VKORC1L1: variants seen among roughly 807,000 people sequenced by gnomAD.
VKORC1L1 encodes the protein vitamin K epoxide reductase complex subunit 1-like protein 1.
In VKORC1L1, 2 loss-of-function variants were observed where a neutral mutation model predicts 18.9. That is an observed-to-expected ratio of 0.11 (90% CI 0.04 to 0.33). The LOEUF (loss-of-function observed/expected upper bound fraction) is 0.33. Ranked by LOEUF, VKORC1L1 falls within the 10% of genes least tolerant of loss-of-function variation. The pLI is 1.00. For missense variants in VKORC1L1, 123 were observed against 224.1 expected (o/e 0.55, Z 2.88); for synonymous variants, 96 against 100.0 (o/e 0.96, Z 0.24).
At chr7:65,884,548 A>C (rs536263840) in intron 1 of VKORC1L1, among the ~76,000 whole-genome samples, 2 of 152,260 alleles carry the variant, frequency 1.3e-5, no homozygotes, top group South Asian at 2.1e-4. Flanking sequence ...GAGGCAGGAG[A>C]ATTGCTTGCA....
chr7:65,941,592 C>G lies in VKORC1L1; in HGVS notation c.195-7079C>G, dbSNP rs755749548. Among the ~76,000 whole-genome samples the G allele has an allele frequency of 6.7e-5, 10 of 148,824 alleles. 1 individual carries two copies. Among genetic ancestry groups the G allele is most frequent in the Admixed American group, 4.7e-4 (7 of 14,888 alleles). ...GAAAGACCCCAGGAGAGTGGTTATT[C>G]TGGGGGAGGAAGGGTAACTGGAAGA... On this transcript the variant is annotated intron_variant, in intron 1 of 2. Coordinates refer to ENST00000360768, the MANE Select transcript of VKORC1L1 (RefSeq NM_173517.6).
intron 1 of VKORC1L1, among the ~76,000 whole-genome samples, chr7:65,895,467 AAAAAAAAAAAAAAATATATATATATAT>A (rs1008212537): frequency 5.8e-5 from 3 of 51,642 alleles, no homozygotes; most frequent in African/African-American, 2.5e-4. Context: ...AAAAAAAAAA[AAAAAAAAAAAAAAATATATATATATAT>A]ATATATATAT....
chr7:65,886,493 TAAAGAA>T (rs760817285), intron 1 of VKORC1L1, among the ~76,000 whole-genome samples: 6 of 152,160 alleles, frequency 3.9e-5, no homozygotes, highest in Non-Finnish European at 5.9e-5. Flanking sequence ...TTGCAGCATA[TAAAGAA>T]GAAGGTGCCT....
At chr7:65,881,143 A>G (rs1350149456) in intron 1 of VKORC1L1, among the ~76,000 whole-genome samples, 1 of 152,218 alleles carries the variant, frequency 6.6e-6, no homozygotes, top group African/African-American at 2.4e-5. Flanking sequence ...AACCTGTACT[A>G]CATTGTACTA....
chr7:65,873,939 G>C (rs1788779433), intron 1 of VKORC1L1, among the ~76,000 whole-genome samples: 1 of 152,134 alleles, frequency 6.6e-6, no homozygotes, highest in Non-Finnish European at 1.5e-5. Context: ...CTGGTTCTCG[G>C]GAGGCGGGCC....
chr7:65,919,717 CA>C (rs936081323), intron 1 of VKORC1L1, among the ~76,000 whole-genome samples: 3 of 152,178 alleles, frequency 2.0e-5, no homozygotes, highest in African/African-American at 7.2e-5. Flanking sequence ...CCTTCTTCCT[CA>C]TAGTCTATTT....
intron 1 of VKORC1L1, among the ~76,000 whole-genome samples, chr7:65,930,590 G>T (rs1414684127): frequency 3.9e-5 from 6 of 152,184 alleles, no homozygotes; most frequent in Admixed American, 3.3e-4. Flanking sequence ...TCAGAGTTCT[G>T]TATGTATATA....
intron 1 of VKORC1L1, among the ~76,000 whole-genome samples, chr7:65,947,079 A>G (rs535583553): frequency 6.6e-6 from 1 of 152,298 alleles, no homozygotes; most frequent in Admixed American, 6.5e-5. Context: ...TCAAGGCTGC[A>G]GTGAGTCATG....
chr7:65,895,516 TACACAC>T (rs1554395162), intron 1 of VKORC1L1, among the ~76,000 whole-genome samples: 6 of 71,598 alleles, frequency 8.4e-5, no homozygotes, highest in South Asian at 6.0e-4. Context: ...TATATATATA[TACACAC>T]ACACACACAC....
chr7:65,882,113 C>T (rs1448029685), intron 1 of VKORC1L1, among the ~76,000 whole-genome samples: 1 of 151,216 alleles, frequency 6.6e-6, no homozygotes, highest in Non-Finnish European at 1.5e-5. Flanking sequence ...GGTGTAGTGG[C>T]TCACGCCTGT....
intron 1 of VKORC1L1, among the ~76,000 whole-genome samples, chr7:65,936,184 C>T (rs1789939877): frequency 6.6e-6 from 1 of 151,712 alleles, no homozygotes; most frequent in African/African-American, 2.4e-5. Flanking sequence ...CTTCCATCTT[C>T]CCAGTCATTT....
chr7:65,908,240 G>A (rs1200518586), intron 1 of VKORC1L1, among the ~76,000 whole-genome samples: 3 of 151,970 alleles, frequency 2.0e-5, no homozygotes, highest in Non-Finnish European at 4.4e-5. Context: ...AGGTGAAACC[G>A]CCGTCCCTAC....
Position 65,941,366 on chromosome 7 carries a change from A to G in VKORC1L1, c.195-7305A>G, listed in dbSNP as rs562654159. ...CCTGGGCTTAAGCAGTTCTCCCACC[A>G]TGGCCTCCCAAAGTGCTGGATTACA... is the stretch of plus-strand genomic sequence containing the variant. On this transcript the variant is annotated intron_variant, in intron 1 of 2. Coordinates refer to ENST00000360768, the MANE Select transcript of VKORC1L1 (RefSeq NM_173517.6). Among the ~76,000 whole-genome samples, 8 of 152,104 alleles carry G rather than the reference A, an allele frequency of 5.3e-5. No homozygotes were observed. In the South Asian group the frequency reaches 8.3e-4, roughly 16 times the overall value.
At chr7:65,935,736 G>T (rs891106668) in intron 1 of VKORC1L1, among the ~76,000 whole-genome samples, 1 of 152,154 alleles carries the variant, frequency 6.6e-6, no homozygotes, top group African/African-American at 2.4e-5. Flanking sequence ...TGGTTATGAT[G>T]TGTCTGGGTG....
At chr7:65,936,806 A>T (rs1050894798) in intron 1 of VKORC1L1, among the ~76,000 whole-genome samples, 3 of 152,312 alleles carry the variant, frequency 2.0e-5, no homozygotes, top group African/African-American at 7.2e-5. Context: ...GGTTTCTCTC[A>T]GACAGTTTTA....
upstream of VKORC1L1, among the ~76,000 whole-genome samples, chr7:65,871,193 T>TC (rs1422643086): frequency 6.6e-6 from 1 of 152,038 alleles, no homozygotes; most frequent in African/African-American, 2.4e-5. Context: ...TTTCTTTCTT[T>TC]CTTTTTTTTC....
At chr7:65,881,234 C>T (rs1416095857) in intron 1 of VKORC1L1, among the ~76,000 whole-genome samples, 1 of 152,138 alleles carries the variant, frequency 6.6e-6, no homozygotes, top group African/African-American at 2.4e-5. Context: ...ATTTCATACA[C>T]CTTTGATTCA....
intron 1 of VKORC1L1, among the ~76,000 whole-genome samples, chr7:65,894,074 CTTCCTGAGTAGCTGGGA>C (rs1198322506): frequency 6.6e-6 from 1 of 152,016 alleles, no homozygotes; most frequent in East Asian, 1.9e-4. Flanking sequence ...CCTGCCTCAG[CTTCCTGAGTAGCTGGGA>C]TTACAGGCAC....
At chr7:65,937,420 A>G (rs1230085530) in intron 1 of VKORC1L1, among the ~76,000 whole-genome samples, 3 of 151,948 alleles carry the variant, frequency 2.0e-5, no homozygotes, top group Non-Finnish European at 4.4e-5. Context: ...TGTTTTTGAG[A>G]TAGTATCTCA....
Sources: gnomAD v4.1 joint callset for allele counts (sites outside exome capture counted in the v4.1 genomes callset) on GRCh38, gnomAD v4.1.1 for gene constraint, MANE v1.5 for transcripts, NCBI Gene and HGNC (gene_info 2026-07-23, HGNC 2026-07-21) for gene names.